OSBPL10: variants seen among roughly 807,000 people sequenced by gnomAD.
OSBPL10 encodes oxysterol binding protein like 10.
Under a neutral mutation model 81.7 loss-of-function variants are expected in OSBPL10, and 49 were observed. The observed-to-expected ratio is 0.60, with a 90% CI of 0.48 to 0.76. The LOEUF (loss-of-function observed/expected upper bound fraction) is 0.76, where lower values mean the gene tolerates loss of function less well. OSBPL10 is among the 30% of genes least tolerant of loss of function. The probability of loss-of-function intolerance (pLI) is 0.00; values close to 1 mark genes in which losing one functional copy is unlikely to be tolerated. For synonymous variants in OSBPL10, 419 were observed against 383.6 expected, an observed-to-expected ratio of 1.09 and a Z score of -1.08; for missense variants, 923 against 987.8, an observed-to-expected ratio of 0.93 and a Z score of 0.88.
chr3:31,905,332 A>AAGGAAC (rs1238354983), intron 1 of OSBPL10, among the ~76,000 whole-genome samples: 8 of 120,546 alleles, frequency 6.6e-5, no homozygotes, highest in Admixed American at 4.4e-4. Flanking sequence ...GCTCTATGTC[A>AAGGAAC]AGGAACCTGG....
At chr3:32,014,604 G>C (rs904930910) in intron 2 of OSBPL10, among the ~76,000 whole-genome samples, 8 of 152,144 alleles carry the variant, frequency 5.3e-5, no homozygotes, top group African/African-American at 1.9e-4. Flanking sequence ...AGGGCAATCA[G>C]GCAGGAAAAG....
intron 3 of OSBPL10, among the ~76,000 whole-genome samples, chr3:31,855,249 T>C (rs1380085241): frequency 6.6e-6 from 1 of 152,178 alleles, no homozygotes; most frequent in Non-Finnish European, 1.5e-5. Context: ...CTCAAACTCC[T>C]GGGCTAAAGC....
chr3:31,968,072 C>T (rs1222895659), intron 1 of OSBPL10, among the ~76,000 whole-genome samples: 1 of 152,172 alleles, frequency 6.6e-6, no homozygotes, highest in African/African-American at 2.4e-5. Flanking sequence ...GAACTATTAA[C>T]ATTTTACCAC....
Position 31,980,887 on chromosome 3 carries a change from C to A in OSBPL10, c.281+12G>T. On this transcript the variant is annotated intron_variant, in intron 1 of 11. Transcript: ENST00000396556. The stretch of plus-strand genomic sequence containing the variant: ...CAGCGGCGCGCGGTGGCGCGGGCGG[C>A]TGGCGCGTTACCTGTTCTGCCAGCC... 1 of 1,555,858 alleles carries A rather than the reference C, an allele frequency of 6.4e-7. No homozygotes were observed. The highest frequency in any genetic ancestry group is 2.0e-5 in the Admixed American group (1 of 51,222).
chr3:31,776,395 A>G (rs1470920573), intron 4 of OSBPL10, among the ~76,000 whole-genome samples: 1 of 152,208 alleles, frequency 6.6e-6, no homozygotes, highest in African/African-American at 2.4e-5. Context: ...TTGCTACGAA[A>G]AACAGTTGGG....
intron 4 of OSBPL10, among the ~76,000 whole-genome samples, chr3:31,751,865 A>T (rs12634834): frequency 0.49 from 74,230 of 151,986 alleles, 18,449 homozygotes; most frequent in East Asian, 0.64. Context: ...AAGAAGTTGA[A>T]TGAACCCTGA....
intron 4 of OSBPL10, among the ~76,000 whole-genome samples, chr3:31,816,230 G>C (rs942316682): frequency 6.6e-6 from 1 of 152,154 alleles, no homozygotes; most frequent in Non-Finnish European, 1.5e-5. Flanking sequence ...TTGCCCTCTG[G>C]TGAATTCCTA....
rs372305256 is a variant in OSBPL10, at chr3:31,733,685, GTTTTTTTTT to G, written c.941-283_941-275del. Among the ~76,000 whole-genome samples the G allele has an allele frequency of 6.5e-5, 6 of 91,776 alleles. No individual in the cohort carries two copies. The East Asian group carries it at 1.3e-3, about 20-fold the overall frequency. 60.2% of individuals were successfully genotyped at this position (91,776 alleles called of 152,430 possible). ...CGATTTACCAAAGCCAGATAAAGGTGTTTTTTTTTTTTTTTTTTTTTTTTTTGAACTTTT... is the reference window on the plus strand; with the variant it reads ...CGATTTACCAAAGCCAGATAAAGGTGTTTTTTTTTTTTTTTTTGAACTTTT... On this transcript the variant is annotated intron_variant, in intron 5 of 11. Transcript: ENST00000396556.
At position 31,665,883 on chromosome 3, in the gene OSBPL10, T is replaced by C. The variant is rs150931288; in HGVS notation, c.2097-1651A>G. On this transcript the variant is annotated intron_variant, in intron 10 of 11. Coordinates refer to ENST00000396556, the MANE Select transcript of OSBPL10 (RefSeq NM_017784.5). Reference sequence around the variant, plus strand: ...CATGGTAAGTCCCATCTTAAGACAGTGGCCCCAAGAGTAGAGGGCAGAGCG... The same window carrying C: ...CATGGTAAGTCCCATCTTAAGACAGCGGCCCCAAGAGTAGAGGGCAGAGCG... 8.8e-3 allele frequency among the ~76,000 whole-genome samples: 1,346 copies of C among 152,234 alleles called. 16 individuals are homozygous for C. Among genetic ancestry groups the C allele is most frequent in the African/African-American group, 0.027 (1,108 of 41,534 alleles).
At chr3:31,928,224 G>T (rs755183198) in intron 1 of OSBPL10, among the ~76,000 whole-genome samples, 1 of 152,056 alleles carries the variant, frequency 6.6e-6, no homozygotes, top group Admixed American at 6.6e-5. Context: ...ACTTTAATTC[G>T]GAGGTATTGA....
At chr3:31,702,235 G>A in intron 7 of OSBPL10, 124 bp downstream of exon 7, 1 of 1,154,190 alleles carries the variant, frequency 8.7e-7, no homozygotes, top group Non-Finnish European at 1.2e-6. Context: ...AAGCAATGCT[G>A]GCCTTTTTCC....
intron 2 of OSBPL10, among the ~76,000 whole-genome samples, chr3:32,026,610 G>T (rs9866851): frequency 0.78 from 118,867 of 152,124 alleles, 47,282 homozygotes; most frequent in East Asian, 1. Context: ...GCAATGGCCG[G>T]GAGAGAAAGA....
At chr3:31,791,184 C>T (rs564575390) in intron 4 of OSBPL10, among the ~76,000 whole-genome samples, 4 of 152,124 alleles carry the variant, frequency 2.6e-5, no homozygotes, top group Admixed American at 2.0e-4. Flanking sequence ...CTGTTTTTCT[C>T]AAGATTTGGC....
Position 31,674,948 on chromosome 3 carries a change from C to T in OSBPL10, c.1727-3965G>A, listed in dbSNP as rs181063333. On this transcript the variant is annotated intron_variant, in intron 8 of 11. Transcript: ENST00000396556. ...CATGTTTCAGATAGGCTGGGCTAAG[C>T]GAGGATGTTGCTAGGCTAGGTATAT... 2.2e-3 allele frequency among the ~76,000 whole-genome samples: 330 copies of T among 152,306 alleles called. 4 individuals carry two copies. The highest frequency in any genetic ancestry group is 3.7e-3 in the Non-Finnish European group (249 of 68,028).
intron 4 of OSBPL10, among the ~76,000 whole-genome samples, chr3:31,798,339 A>G (rs1159125355): frequency 6.6e-6 from 1 of 152,064 alleles, no homozygotes; most frequent in Non-Finnish European, 1.5e-5. Flanking sequence ...CCGAGGCAGG[A>G]GAATCATTTG....
intron 3 of OSBPL10, among the ~76,000 whole-genome samples, chr3:31,871,667 T>A (rs923081678): frequency 4.6e-5 from 7 of 152,160 alleles, no homozygotes; most frequent in African/African-American, 1.7e-4. Context: ...GCCCATGAGT[T>A]GGAGAACAGC....
chr3:31,922,621 A>G (rs558320937), intron 1 of OSBPL10, among the ~76,000 whole-genome samples: 2 of 152,342 alleles, frequency 1.3e-5, no homozygotes, highest in South Asian at 2.1e-4. Flanking sequence ...TCCATCTAAA[A>G]AAAAAACTTC....
chr3:31,960,752 A>G (rs1285489129), intron 1 of OSBPL10, among the ~76,000 whole-genome samples: 1 of 152,120 alleles, frequency 6.6e-6, no homozygotes. Context: ...CTTCTCCCTC[A>G]AGGCCATCAG....
chr3:31,697,555 A>G (rs923320509), intron 7 of OSBPL10, among the ~76,000 whole-genome samples: 3 of 152,200 alleles, frequency 2.0e-5, no homozygotes, highest in African/African-American at 4.8e-5. Context: ...ACACAATAAA[A>G]CAAAAAATAA....
Sources: allele counts gnomAD v4.1 joint callset (sites outside exome capture counted in the v4.1 genomes callset), GRCh38; gene constraint gnomAD v4.1.1; transcripts MANE v1.5; gene names NCBI Gene and HGNC (gene_info 2026-07-23, HGNC 2026-07-21).